The following ICA1 variants were observed in gnomAD, a reference collection of about 807,000 sequenced individuals.
ICA1 encodes 69 kDa islet cell autoantigen.
A neutral mutation model predicts 71.0 loss-of-function variants in ICA1; 40 were observed. That is an observed-to-expected ratio of 0.56 (90% CI 0.44 to 0.73). ICA1 has a LOEUF of 0.73. Among genes scored for constraint, ICA1 ranks in the 30% least tolerant of loss-of-function variants. The probability of loss-of-function intolerance (pLI) is 0.00; values close to 1 mark genes in which losing one functional copy is unlikely to be tolerated. For synonymous variants in ICA1, 207 were observed against 209.5 expected (o/e 0.99, Z 0.10); for missense variants, 578 against 576.5 (o/e 1.00, Z -0.03).
rs1787942574 is a variant in ICA1 at position 8,123,767 on chromosome 7, T to A, written c.1330+4106A>T. ...CCCTCTGACGGCTTCCTAAGAGAGG[T>A]CTGAAGAGCCCCACTGGGAAATCCC... On this transcript the variant is annotated intron_variant, in intron 13 of 13. Transcript: ENST00000402384. This position sits in a 1 kb window ranked among gnomAD's most constrained non-coding sequence, Gnocchi z 4.1. Among the ~76,000 whole-genome samples the A allele has an allele frequency of 6.6e-6, 1 of 151,902 alleles. No individual in the cohort carries two copies. Among genetic ancestry groups the A allele is most frequent in the African/African-American group, 2.4e-5 (1 of 41,324 alleles).
chr7:8,127,234 C>G (rs1355528214), intron 13 of ICA1, among the ~76,000 whole-genome samples: 2 of 151,826 alleles, frequency 1.3e-5, no homozygotes, highest in African/African-American at 2.4e-5. Flanking sequence ...TCAAGTGATC[C>G]TCTCACCTCG....
At chr7:8,168,961 T>A (rs960542348) in intron 6 of ICA1, among the ~76,000 whole-genome samples, 4 of 152,126 alleles carry the variant, frequency 2.6e-5, no homozygotes, top group Non-Finnish European at 4.4e-5. Flanking sequence ...ATGACCACAA[T>A]CATGATATAA....
intron 6 of ICA1, among the ~76,000 whole-genome samples, chr7:8,196,561 G>C (rs1585116026): frequency 6.6e-6 from 1 of 152,298 alleles, no homozygotes; most frequent in African/African-American, 2.4e-5. Context: ...GTACTGCACT[G>C]ATGGGGGATG....
chr7:8,203,752 C>G (rs947611375), intron 6 of ICA1, among the ~76,000 whole-genome samples: 6 of 152,214 alleles, frequency 3.9e-5, no homozygotes, highest in Non-Finnish European at 8.8e-5. Flanking sequence ...TGTAGGGCTT[C>G]TGCTACTTTC....
Position 8,232,577 on chromosome 7 carries a change from A to G in ICA1, c.183+13T>C, listed in dbSNP as rs746736837. The G allele has an allele frequency of 7.5e-6, 12 of 1,602,294 alleles. No homozygotes were observed. In the South Asian group the frequency reaches 1.2e-4, roughly 17 times the overall value. On this transcript the variant is annotated intron_variant, in intron 3 of 13. Transcript: ENST00000402384. ...GGTGGCTGTGTTGGGGCTGACAGCA[A>G]TAAAGAGCTCACCTCTAGCTTGGCA... is the stretch of plus-strand genomic sequence containing the variant.
At chr7:8,225,956 G>T (rs536402826) in intron 4 of ICA1, among the ~76,000 whole-genome samples, 2 of 152,134 alleles carry the variant, frequency 1.3e-5, no homozygotes, top group South Asian at 4.2e-4. Context: ...AATTATTTTT[G>T]TGTTTAGCCT....
intron 8 of ICA1, among the ~76,000 whole-genome samples, chr7:8,154,414 A>G (rs1230479203): frequency 6.6e-6 from 1 of 152,222 alleles, no homozygotes; most frequent in Non-Finnish European, 1.5e-5. Flanking sequence ...CATCAAGCAT[A>G]AAACTAACAG....
In ICA1 at chr7:8,222,435, C is replaced by T. The variant is rs1052304110; in HGVS notation, c.257-1037G>A. 1.3e-5 allele frequency among the ~76,000 whole-genome samples: 2 copies of T among 152,144 alleles called. No individual in the cohort carries two copies. Among genetic ancestry groups the T allele is most frequent in the Non-Finnish European group, 2.9e-5 (2 of 68,028 alleles). On this transcript the variant is annotated intron_variant, in intron 4 of 13. Transcript: ENST00000402384. The surrounding 1 kb of genome is among the most constrained non-coding windows in gnomAD (Gnocchi z 4.8). ...TTCTGTATTGATGTATTTACATACC[C>T]TGTGTCTCTAAAACTGCTTTCTAAA...
At chr7:8,203,860 C>A (rs1790569446) in intron 6 of ICA1, among the ~76,000 whole-genome samples, 1 of 152,148 alleles carries the variant, frequency 6.6e-6, no homozygotes, top group Non-Finnish European at 1.5e-5. Flanking sequence ...GTGATGTCTA[C>A]TTTCCAACCA....
chr7:8,218,701 C>T, intron 5 of ICA1, 198 bp from the exon 6 acceptor site: 1 of 600,132 alleles, frequency 1.7e-6, no homozygotes, highest in Non-Finnish European at 3.0e-6. Flanking sequence ...TATCCATGTA[C>T]CCATCCCTTA....
At chr7:8,200,494 G>A (rs1789246990) in intron 6 of ICA1, among the ~76,000 whole-genome samples, 2 of 152,138 alleles carry the variant, frequency 1.3e-5, no homozygotes, top group Admixed American at 6.5e-5. Flanking sequence ...TAAAGGAACA[G>A]ATTGACTTCC....
At chr7:8,206,724 G>A (rs1264341694) in intron 6 of ICA1, among the ~76,000 whole-genome samples, 17 of 121,780 alleles carry the variant, frequency 1.4e-4, no homozygotes, top group Non-Finnish European at 2.0e-4. Flanking sequence ...TCTCCCACAG[G>A]TTTAAAATGA....
At chr7:8,244,112 G>T (rs1411449965) in intron 1 of ICA1, among the ~76,000 whole-genome samples, 1 of 152,162 alleles carries the variant, frequency 6.6e-6, no homozygotes, top group Non-Finnish European at 1.5e-5. Flanking sequence ...ACAATCCTGG[G>T]CAAGAAGAAC....
chr7:8,237,593 T>C (rs1403330996), intron 1 of ICA1, among the ~76,000 whole-genome samples: 1 of 152,110 alleles, frequency 6.6e-6, no homozygotes, highest in Non-Finnish European at 1.5e-5. Context: ...CAACTCCCCA[T>C]TTTCCCCTCC....
At chr7:8,174,820 C>T (rs982036544) in intron 6 of ICA1, among the ~76,000 whole-genome samples, 3 of 147,758 alleles carry the variant, frequency 2.0e-5, no homozygotes, top group Admixed American at 6.8e-5. Flanking sequence ...CTCTTTAATG[C>T]GGGAAACACA....
intron 6 of ICA1, among the ~76,000 whole-genome samples, chr7:8,175,479 A>G (rs1055012967): frequency 5.9e-5 from 9 of 152,126 alleles, no homozygotes; most frequent in African/African-American, 2.2e-4. Flanking sequence ...AATCATCCAG[A>G]TAATACTCCC....
chr7:8,220,009 G>A (rs180838223), intron 5 of ICA1, among the ~76,000 whole-genome samples: 1 of 152,174 alleles, frequency 6.6e-6, no homozygotes, highest in African/African-American at 2.4e-5. Flanking sequence ...CTATTAAGAG[G>A]TTAAAAGTAG....
At chr7:8,160,076 G>A (rs1013129931) in intron 6 of ICA1, among the ~76,000 whole-genome samples, 5 of 152,164 alleles carry the variant, frequency 3.3e-5, no homozygotes, top group African/African-American at 1.2e-4. Flanking sequence ...GCGCAAAGCA[G>A]GTACTGAATA....
chr7:8,150,781 A>G (rs972070841), intron 8 of ICA1, among the ~76,000 whole-genome samples: 2 of 152,188 alleles, frequency 1.3e-5, no homozygotes, highest in Non-Finnish European at 2.9e-5. Context: ...TGCTATTTTT[A>G]ATTGAAAGTT....
Sources: allele counts gnomAD v4.1 joint callset (sites outside exome capture counted in the v4.1 genomes callset), GRCh38; gene constraint gnomAD v4.1.1; non-coding constraint Gnocchi (gnomAD v3.1); transcripts MANE v1.5; gene names NCBI Gene and HGNC (gene_info 2026-07-23, HGNC 2026-07-21).